The following ZNF317 variants were observed in gnomAD, a reference collection of about 807,000 sequenced individuals.
ZNF317 encodes zinc finger protein 317, also known as KRAB-containing zinc finger protein 317.
In ZNF317, 17 loss-of-function variants were observed where a neutral mutation model predicts 23.4. That is an observed-to-expected ratio of 0.73 (90% CI 0.50 to 1.09). ZNF317 has a LOEUF of 1.09. Among genes scored for constraint, ZNF317 ranks in the 50% least tolerant of loss-of-function variants. ZNF317 has a pLI of 0.00. For missense variants in ZNF317, 679 were observed against 796.7 expected (o/e 0.85, Z 1.78); for synonymous variants, 317 against 314.9 (o/e 1.01, Z -0.07).
Position 9,160,562 on chromosome 19 carries a change from A to C in ZNF317, c.917A>C (p.Tyr306Ser). Reference protein sequence around the residue: ...HMRVHTGERPYKCDQCGKAYG... With the variant: ...HMRVHTGERPSKCDQCGKAYG... ...CGAGTTCACACTGGCGAGAGGCCTT[A>C]CAAGTGTGATCAGTGCGGGAAGGCT... The change falls in exon 7 of 7, where the codon TAC becomes TCC. Residue 306 changes from tyrosine to serine, a missense_variant. Coordinates refer to ENST00000247956, the MANE Select transcript of ZNF317 (RefSeq NM_020933.5). The surrounding 1 kb of genome is among the most constrained non-coding windows in gnomAD (Gnocchi z 6.8). 1 of 1,614,188 alleles carries C rather than the reference A, an allele frequency of 6.2e-7. No individual in the cohort carries two copies. The highest frequency in any genetic ancestry group is 8.5e-7 in the Non-Finnish European group (1 of 1,180,030).
At chr19:9,151,650 G>A (rs1446283841) in intron 1 of ZNF317, among the ~76,000 whole-genome samples, 2 of 152,192 alleles carry the variant, frequency 1.3e-5, no homozygotes, top group Non-Finnish European at 2.9e-5. Flanking sequence ...AATGACTGAT[G>A]TTGTTAATCA....
chr19:9,143,109 G>C (rs574375053), intron 1 of ZNF317, among the ~76,000 whole-genome samples: 4 of 152,286 alleles, frequency 2.6e-5, no homozygotes, highest in South Asian at 2.1e-4. Flanking sequence ...GTGTTGTTAT[G>C]ATGAGTAAAA....
chr19:9,159,633 A>G (rs921387997), intron 6 of ZNF317, among the ~76,000 whole-genome samples: 9 of 150,628 alleles, frequency 6.0e-5, no homozygotes, highest in Non-Finnish European at 1.3e-4. Context: ...TGCAGCCTCC[A>G]CCTTTCAGGC....
At position 9,148,137 on chromosome 19, in the gene ZNF317, C is replaced by T. The variant is rs558509106; in HGVS notation, c.-93+7545C>T. Among the ~76,000 whole-genome samples the T allele has an allele frequency of 3.3e-5, 5 of 152,330 alleles. No individual in the cohort carries two copies. The East Asian group carries it at 9.7e-4, about 29-fold the overall frequency. On this transcript the variant is annotated intron_variant, in intron 1 of 6. Coordinates refer to ENST00000247956, the MANE Select transcript of ZNF317 (RefSeq NM_020933.5). ...CCCAGAAGCAGATAGCACTGTGCTT[C>T]CTGTAGAGCCTACAGAACTGTGAGC...
chr19:9,150,908 C>T (rs560640882), intron 1 of ZNF317, among the ~76,000 whole-genome samples: 14 of 152,292 alleles, frequency 9.2e-5, no homozygotes, highest in African/African-American at 3.1e-4. Flanking sequence ...CCAAGTGTCT[C>T]GGACCCTTGG....
chr19:9,159,632 C>T (rs1039802896), intron 6 of ZNF317, among the ~76,000 whole-genome samples: 1 of 152,056 alleles, frequency 6.6e-6, no homozygotes, highest in Non-Finnish European at 1.5e-5. Flanking sequence ...CTGCAGCCTC[C>T]ACCTTTCAGG....
rs1187808486 is a variant in ZNF317 at position 9,157,362 on chromosome 19, TG to T, written c.258del (p.Met86IlefsTer69). ...SSQRKLYKDV[M>X]LENYSNLTSL... is the part of the protein sequence containing the mutation. ...CAGAGAAAACTGTACAAAGATGTAA[TG>T]CTGGAGAACTACAGCAACCTCACTT... On this transcript the variant is annotated frameshift_variant, in exon 4 of 7. Coordinates refer to ENST00000247956, the MANE Select transcript of ZNF317 (RefSeq NM_020933.5). LOFTEE classifies it high-confidence loss of function. 6.2e-7 allele frequency: 1 copy of T among 1,613,980 alleles called. No homozygotes were observed. The highest frequency in any genetic ancestry group is 8.5e-7 in the Non-Finnish European group (1 of 1,180,014).
chr19:9,146,978 C>T (rs1451778320), intron 1 of ZNF317, among the ~76,000 whole-genome samples: 1 of 152,132 alleles, frequency 6.6e-6, no homozygotes, highest in Non-Finnish European at 1.5e-5. Context: ...ATGGAGGAGG[C>T]AGATCTTCTA....
chr19:9,160,231 C>T lies in ZNF317; in HGVS notation c.586C>T (p.Arg196Cys), dbSNP rs769905916. 23 of 1,614,136 alleles carry T rather than the reference C, an allele frequency of 1.4e-5. No individual in the cohort carries two copies. In the Admixed American group the frequency reaches 2.5e-4, roughly 18 times the overall value. ...GRHAGKRPYH[R>C]RDYGVAFKGR... Reference sequence around the variant, plus strand: ...GCACGCTGGCAAGAGGCCCTATCACCGCCGCGACTATGGGGTAGCGTTCAA... The same window carrying T: ...GCACGCTGGCAAGAGGCCCTATCACTGCCGCGACTATGGGGTAGCGTTCAA... Residue 196 changes from arginine to cysteine, a missense_variant, in exon 7 of 7, where the codon CGC (arginine) becomes TGC (cysteine). Coordinates refer to ENST00000247956, the MANE Select transcript of ZNF317 (RefSeq NM_020933.5). This position sits in a 1 kb window ranked among gnomAD's most constrained non-coding sequence, Gnocchi z 6.8.
chr19:9,156,065 C>A, intron 2 of ZNF317, 24 bp downstream of exon 2: 1 of 1,614,002 alleles, frequency 6.2e-7, no homozygotes, highest in Non-Finnish European at 8.5e-7. Context: ...TCAGTGCGTG[C>A]CCTGAGAAAG....
intron 4 of ZNF317, chr19:9,157,631 ATTC>A: frequency 1.7e-6 from 1 of 577,836 alleles, no homozygotes; most frequent in Non-Finnish European, 2.7e-6. Flanking sequence ...CGAAATCCCC[ATTC>A]TTTTGGAGGG....
chr19:9,155,012 C>T (rs2050770240), intron 1 of ZNF317, among the ~76,000 whole-genome samples: 2 of 152,184 alleles, frequency 1.3e-5, no homozygotes, highest in South Asian at 4.1e-4. Flanking sequence ...GTCTTTTACC[C>T]TTTTTGTTGG....
intron 4 of ZNF317, 68 bp downstream of exon 4, chr19:9,157,462 T>C (rs766645755): frequency 1.9e-6 from 3 of 1,596,718 alleles, no homozygotes; most frequent in Non-Finnish European, 2.6e-6. Context: ...GTATGTTCTG[T>C]GACCCAGGAA....
chr19:9,161,080 T>C lies in ZNF317; in HGVS notation c.1435T>C (p.Cys479Arg). 1.2e-6 allele frequency: 2 copies of C among 1,614,170 alleles called. No homozygotes were observed. The highest frequency in any genetic ancestry group is 4.5e-5 in the East Asian group (2 of 44,866). The stretch of plus-strand genomic sequence containing the variant: ...AGAGAGACGCTACGAATGCGCCGCC[T>C]GCGGGAAAGTCTTCGGTGACTATTT... Reference protein sequence around the residue: ...TQERRYECAACGKVFGDYLSR... With the variant: ...TQERRYECAARGKVFGDYLSR... Residue 479 changes from cysteine (C) to arginine (R), a missense_variant, in exon 7 of 7, where the codon TGC becomes CGC. Transcript: ENST00000247956. The surrounding 1 kb of genome is among the most constrained non-coding windows in gnomAD (Gnocchi z 4.0).
chr19:9,143,841 T>C (rs1428907080), intron 1 of ZNF317, among the ~76,000 whole-genome samples: 1 of 151,774 alleles, frequency 6.6e-6, no homozygotes, highest in Admixed American at 6.6e-5. Flanking sequence ...TTATAACTTT[T>C]TATTATGTAA....
At chr19:9,158,444 C>A (rs2050812318) in intron 5 of ZNF317, among the ~76,000 whole-genome samples, 1 of 131,132 alleles carries the variant, frequency 7.6e-6, no homozygotes, top group South Asian at 2.5e-4. Flanking sequence ...GATCTCGGCT[C>A]ACTGCAACCT....
chr19:9,156,054 G>A lies in ZNF317; in HGVS notation c.25+13G>A. The A allele has an allele frequency of 7.4e-6, 12 of 1,614,148 alleles. No homozygotes were observed. The highest frequency in any genetic ancestry group is 9.3e-6 in the Non-Finnish European group (11 of 1,180,024). Reference sequence around the variant, plus strand: ...TCCCCCACATTTGGTAAGTTCTTGGGTCAGTGCGTGCCCTGAGAAAGTGAG... The same window carrying A: ...TCCCCCACATTTGGTAAGTTCTTGGATCAGTGCGTGCCCTGAGAAAGTGAG... On this transcript the variant is annotated intron_variant, in intron 2 of 6. Coordinates refer to ENST00000247956, the MANE Select transcript of ZNF317 (RefSeq NM_020933.5).
rs190666716 is a variant in ZNF317 at position 9,142,487 on chromosome 19, T to G, written c.-93+1895T>G. Among the ~76,000 whole-genome samples the G allele has an allele frequency of 2.0e-5, 3 of 151,862 alleles. No individual in the cohort carries two copies. In the East Asian group the frequency reaches 5.8e-4, roughly 29 times the overall value. ...ATAGTTTTTATTAGGTCAAGGAAGC[T>G]CCCCTCTTTTCCTACTTGAGTTTTT... On this transcript the variant is annotated intron_variant, in intron 1 of 6. Transcript: ENST00000247956.
rs367743743 is a variant in ZNF317 at position 9,160,884 on chromosome 19, C to T, written c.1239C>T (p.Ile413=). The change falls in exon 7 of 7, where the codon ATC becomes ATT. Residue 413 remains isoleucine (I), a synonymous_variant. Coordinates refer to ENST00000247956, the MANE Select transcript of ZNF317 (RefSeq NM_020933.5). This position sits in a 1 kb window ranked among gnomAD's most constrained non-coding sequence, Gnocchi z 6.8. ...GGAGGAAACACATGAGGATTCACATCGTCAAGAAACCCGTGGAATGTCGGC... is the reference window on the plus strand; with the variant it reads ...GGAGGAAACACATGAGGATTCACATTGTCAAGAAACCCGTGGAATGTCGGC... ...VSRRKHMRIH[I]VKKPVECRQC... is the part of the protein sequence containing the mutation. The T allele has an allele frequency of 2.5e-6, 4 of 1,614,034 alleles. No individual in the cohort carries two copies. The highest frequency in any genetic ancestry group is 3.4e-6 in the Non-Finnish European group (4 of 1,180,002).
Sources: allele counts gnomAD v4.1 joint callset (sites outside exome capture counted in the v4.1 genomes callset), GRCh38; gene constraint gnomAD v4.1.1; non-coding constraint Gnocchi (gnomAD v3.1); transcripts MANE v1.5; gene names NCBI Gene and HGNC (gene_info 2026-07-23, HGNC 2026-07-21).